WDPCP: variants seen among roughly 807,000 people sequenced by gnomAD.
WDPCP encodes WD repeat-containing and planar cell polarity effector protein fritz homolog.
WDPCP carries 71 observed loss-of-function variants against 93.1 expected under a neutral mutation model. That is an observed-to-expected ratio of 0.76 (90% CI 0.63 to 0.93). The LOEUF (loss-of-function observed/expected upper bound fraction) is 0.93. Ranked by LOEUF, WDPCP falls within the 40% of genes least tolerant of loss-of-function variation. The pLI, the probability that WDPCP is intolerant of heterozygous loss-of-function variation, is 0.00. For synonymous variants in WDPCP, 315 were observed against 315.0 expected (o/e 1.00, Z 0.00); for missense variants, 844 against 887.4 (o/e 0.95, Z 0.62).
At chr2:63,810,583 G>T (rs1476572715) in intron 2 of WDPCP, among the ~76,000 whole-genome samples, 3 of 152,136 alleles carry the variant, frequency 2.0e-5, no homozygotes, top group Non-Finnish European at 4.4e-5. Context: ...AGCTATAAAA[G>T]AATTCCCTAA....
chr2:63,556,780 C>A (rs1238387274), intron 1 of WDPCP, among the ~76,000 whole-genome samples: 1 of 152,174 alleles, frequency 6.6e-6, no homozygotes, highest in Admixed American at 6.5e-5. Flanking sequence ...AAGGCCAGGT[C>A]ACCTACAAAG....
chr2:63,838,865 T>C, the WDPCP span, among the ~76,000 whole-genome samples: 4,633 of 152,296 alleles, frequency 0.03, 244 homozygotes, highest in African/African-American at 0.11. Flanking sequence ...AGGTTGTTCT[T>C]AGTGGCTCTG....
chr2:63,499,448 T>C (rs1701413031), intron 1 of WDPCP, among the ~76,000 whole-genome samples: 2 of 152,190 alleles, frequency 1.3e-5, no homozygotes, highest in South Asian at 4.1e-4. Flanking sequence ...TCTGGGAAGG[T>C]ATTTTTAAAA....
At chr2:63,185,222 G>A (rs1338703366) in intron 14 of WDPCP, among the ~76,000 whole-genome samples, 1 of 152,158 alleles carries the variant, frequency 6.6e-6, no homozygotes, top group Non-Finnish European at 1.5e-5. Context: ...TGGCATTTCA[G>A]AAATTTCCTT....
At chr2:63,483,161 G>C (rs1044640447) in intron 6 of WDPCP, among the ~76,000 whole-genome samples, 2 of 151,960 alleles carry the variant, frequency 1.3e-5, no homozygotes, top group African/African-American at 4.8e-5. Flanking sequence ...TGATGGGTAA[G>C]GGTGGAGGCC....
At chr2:63,140,217 CTTATA>C (rs1490281101) in intron 17 of WDPCP, among the ~76,000 whole-genome samples, 1 of 152,058 alleles carries the variant, frequency 6.6e-6, no homozygotes, top group Non-Finnish European at 1.5e-5. Flanking sequence ...TGACTATGGC[CTTATA>C]TTATAGTTTG....
intron 13 of WDPCP, among the ~76,000 whole-genome samples, chr2:63,264,560 A>G (rs937773229): frequency 2.6e-5 from 4 of 152,224 alleles, no homozygotes; most frequent in African/African-American, 9.6e-5. Context: ...TGCATTAAAC[A>G]TTGGAGCCCA....
intron 3 of WDPCP, among the ~76,000 whole-genome samples, chr2:63,634,481 A>C (rs1196561039): frequency 6.6e-6 from 1 of 152,232 alleles, no homozygotes; most frequent in African/African-American, 2.4e-5. Flanking sequence ...AAAATCCATA[A>C]GGAAATATTG....
chr2:63,142,251 T>G (rs1671116153), intron 17 of WDPCP, among the ~76,000 whole-genome samples: 1 of 152,178 alleles, frequency 6.6e-6, no homozygotes, highest in South Asian at 2.1e-4. Flanking sequence ...GCCCTTTCAG[T>G]CTTTTTGATG....
At chr2:63,700,299 A>C (rs989208803) in intron 2 of WDPCP, among the ~76,000 whole-genome samples, 2 of 102,828 alleles carry the variant, frequency 1.9e-5, no homozygotes, top group East Asian at 4.3e-4. Flanking sequence ...AAAAAAAAAA[A>C]AAAACAAAAA....
At chr2:63,755,559 A>G (rs916772543) in intron 2 of WDPCP, among the ~76,000 whole-genome samples, 17 of 152,242 alleles carry the variant, frequency 1.1e-4, no homozygotes, top group African/African-American at 4.1e-4. Context: ...AGTTGACGTT[A>G]GTGAGCAAAT....
At chr2:63,310,544 T>C (rs1686106768) in intron 13 of WDPCP, among the ~76,000 whole-genome samples, 2 of 152,212 alleles carry the variant, frequency 1.3e-5, no homozygotes, top group African/African-American at 4.8e-5. Context: ...AGGAACAATT[T>C]TATGTGACAT....
intron 2 of WDPCP, among the ~76,000 whole-genome samples, chr2:63,785,957 T>C (rs913107338): frequency 6.6e-6 from 1 of 152,208 alleles, no homozygotes; most frequent in Non-Finnish European, 1.5e-5. Flanking sequence ...CACACTGACA[T>C]GGCTCAGCTA....
At chr2:63,624,079 T>C (rs1362694458) in intron 3 of WDPCP, among the ~76,000 whole-genome samples, 1 of 152,196 alleles carries the variant, frequency 6.6e-6, no homozygotes, top group African/African-American at 2.4e-5. Flanking sequence ...TGCTCCTGAA[T>C]GACTACTGGG....
chr2:63,684,641 G>C (rs1575747073), intron 2 of WDPCP: 2 of 699,648 alleles, frequency 2.9e-6, no homozygotes, highest in East Asian at 6.1e-5. Context: ...GGCCTGACGA[G>C]AGGTCAAGGT....
chr2:63,313,874 A>ATGTGTG (rs766720950), intron 12 of WDPCP, among the ~76,000 whole-genome samples: 272 of 22,582 alleles, frequency 0.012, 10 homozygotes, highest in African/African-American at 0.033. Flanking sequence ...ATATATATAT[A>ATGTGTG]TATATATATA....
intron 14 of WDPCP, among the ~76,000 whole-genome samples, chr2:63,218,793 CA>C (rs1677567296): frequency 6.6e-6 from 1 of 152,108 alleles, no homozygotes; most frequent in African/African-American, 2.4e-5. Flanking sequence ...CTCGGCCTCC[CA>C]AAGTGCTGGG....
At chr2:63,136,138 A>G (rs1670600096) in intron 17 of WDPCP, among the ~76,000 whole-genome samples, 1 of 152,194 alleles carries the variant, frequency 6.6e-6, no homozygotes, top group Admixed American at 6.5e-5. Flanking sequence ...ACTAATTCAA[A>G]GTGTCAGAGA....
At chr2:63,601,616 C>G (rs1348611414) in intron 3 of WDPCP, among the ~76,000 whole-genome samples, 1 of 152,156 alleles carries the variant, frequency 6.6e-6, no homozygotes, top group East Asian at 1.9e-4. Flanking sequence ...ACTATATCTG[C>G]TGGATGCAAA....
Sources: allele counts gnomAD v4.1 joint callset (sites outside exome capture counted in the v4.1 genomes callset), GRCh38; gene constraint gnomAD v4.1.1; transcripts MANE v1.5; gene names NCBI Gene and HGNC (gene_info 2026-07-23, HGNC 2026-07-21).